The following TRPM1 variants were observed in gnomAD, a reference collection of about 807,000 sequenced individuals.
TRPM1 encodes TRPM1-203 APA Isoform, Intron 10.
Under a neutral mutation model 149.4 loss-of-function variants are expected in TRPM1, and 113 were observed. That is an observed-to-expected ratio of 0.76 (90% CI 0.65 to 0.88). The LOEUF is 0.88. TRPM1 is among the 40% of genes least tolerant of loss of function. TRPM1 has a pLI of 0.00. For missense variants in TRPM1, 1,976 were observed against 2,038.7 expected (o/e 0.97, Z 0.59); for synonymous variants, 741 against 759.5 (o/e 0.98, Z 0.40).
chr15:31,149,764 C>G (rs557790012), intron 1 of TRPM1, among the ~76,000 whole-genome samples: 1 of 152,110 alleles, frequency 6.6e-6, no homozygotes, highest in Non-Finnish European at 1.5e-5. Flanking sequence ...TGTGATCCGC[C>G]CGCCTTGGCC....
intron 1 of TRPM1, among the ~76,000 whole-genome samples, chr15:31,083,340 T>C (rs2034911961): frequency 6.6e-6 from 1 of 152,216 alleles, no homozygotes; most frequent in Non-Finnish European, 1.5e-5. Context: ...TTGTGAAAAC[T>C]ACATTTAGCT....
At chr15:31,072,657 C>T (rs1267139286) in intron 3 of TRPM1, among the ~76,000 whole-genome samples, 1 of 152,166 alleles carries the variant, frequency 6.6e-6, no homozygotes, top group Non-Finnish European at 1.5e-5. Context: ...TCTGAGGGTT[C>T]TGATTTCTCC....
chr15:31,098,464 A>G (rs1052951291), intron 1 of TRPM1, among the ~76,000 whole-genome samples: 2 of 152,178 alleles, frequency 1.3e-5, no homozygotes, highest in Non-Finnish European at 2.9e-5. Flanking sequence ...CACGTCAAAC[A>G]CTAAGCATGG....
chr15:31,117,854 GA>G (rs1335398172), intron 1 of TRPM1, among the ~76,000 whole-genome samples: 1 of 152,080 alleles, frequency 6.6e-6, no homozygotes, highest in East Asian at 1.9e-4. Flanking sequence ...ACATTACCAA[GA>G]AAATAATTAA....
intron 1 of TRPM1, among the ~76,000 whole-genome samples, chr15:31,114,480 C>G (rs1445083860): frequency 3.3e-5 from 5 of 151,960 alleles, no homozygotes; most frequent in Non-Finnish European, 7.4e-5. Flanking sequence ...TTTAGGAATC[C>G]CAATGAACTC....
chr15:31,143,893 T>G (rs2036190792), intron 1 of TRPM1, among the ~76,000 whole-genome samples: 1 of 152,246 alleles, frequency 6.6e-6, no homozygotes, highest in Non-Finnish European at 1.5e-5. Flanking sequence ...TATGGTAATA[T>G]GGTTATTTGC....
chr15:31,057,407 G>A (rs1353974141), intron 11 of TRPM1, among the ~76,000 whole-genome samples: 1 of 152,118 alleles, frequency 6.6e-6, no homozygotes, highest in Non-Finnish European at 1.5e-5. Context: ...TGGGAGGAGG[G>A]AGAGGGTCAG....
At chr15:31,133,844 G>C (rs768183351) in intron 1 of TRPM1, among the ~76,000 whole-genome samples, 7 of 152,178 alleles carry the variant, frequency 4.6e-5, no homozygotes, top group Non-Finnish European at 1.0e-4. Context: ...CATAGAGACA[G>C]AGCCTGCCCT....
chr15:31,046,062 T>G, intron 16 of TRPM1, 142 bp downstream of exon 16: 1 of 735,572 alleles, frequency 1.4e-6, no homozygotes, highest in Non-Finnish European at 2.4e-6. Context: ...AAAATGTATA[T>G]ATGGTCCTTT....
Position 31,076,995 on chromosome 15 carries a change from G to A in TRPM1, c.4-11C>T. 5 of 1,585,832 alleles carry A rather than the reference G, an allele frequency of 3.2e-6. No homozygotes were observed. Among genetic ancestry groups the A allele is most frequent in the Non-Finnish European group, 4.3e-6 (5 of 1,154,734 alleles). ...CCAAGATTTCTGACCCTGGAAGAGA[G>A]AGAGAAGTGGATATTGGACCAATAC... On this transcript the variant is annotated splice_polypyrimidine_tract_variant and intron_variant, in intron 2 of 27. Coordinates refer to ENST00000256552, the MANE Select transcript of TRPM1 (RefSeq NM_001252024.2).
At chr15:31,081,250 A>C in intron 2 of TRPM1, 103 bp downstream of exon 2, 1 of 755,620 alleles carries the variant, frequency 1.3e-6, no homozygotes, top group South Asian at 1.5e-5. Flanking sequence ...CCTCTGCTTC[A>C]CTGGAAATCC....
intron 25 of TRPM1, among the ~76,000 whole-genome samples, chr15:31,027,710 C>CA (rs2032848950): frequency 6.6e-6 from 1 of 152,190 alleles, no homozygotes; most frequent in South Asian, 2.1e-4. Context: ...AGGTTTTCTC[C>CA]AATGCCCTGT....
chr15:31,060,819 T>C (rs778385031), intron 10 of TRPM1, among the ~76,000 whole-genome samples, 175 bp from the exon 11 acceptor site: 3 of 152,198 alleles, frequency 2.0e-5, no homozygotes, highest in Non-Finnish European at 4.4e-5. Context: ...AGAGCTTCCC[T>C]GGAGGAAGGT....
intron 1 of TRPM1, among the ~76,000 whole-genome samples, chr15:31,153,447 CTT>C (rs777334992): frequency 1.4e-4 from 22 of 152,184 alleles, no homozygotes; most frequent in Admixed American, 3.3e-4. Flanking sequence ...GTCTCACCCT[CTT>C]GAGTAGTGGG....
At chr15:31,091,389 T>G (rs1374146509) in intron 1 of TRPM1, among the ~76,000 whole-genome samples, 1 of 152,264 alleles carries the variant, frequency 6.6e-6, no homozygotes, top group Non-Finnish European at 1.5e-5. Context: ...CTTCTGGGGC[T>G]GCTGGGGACC....
intron 1 of TRPM1, among the ~76,000 whole-genome samples, chr15:31,150,350 T>C (rs925819971): frequency 1.4e-4 from 21 of 151,834 alleles, no homozygotes; most frequent in African/African-American, 5.1e-4. Context: ...TGTTAGGCTA[T>C]AGAGGGACCC....
chr15:31,105,447 GT>G (rs2141019399), upstream of TRPM1, among the ~76,000 whole-genome samples: 1 of 47,422 alleles, frequency 2.1e-5, no homozygotes, highest in South Asian at 8.7e-4. Flanking sequence ...GTGTGTGTGT[GT>G]GTGTGTGTGT....
intron 1 of TRPM1, among the ~76,000 whole-genome samples, chr15:31,121,223 C>CAAAAAAAAA (rs71420549): frequency 1.7e-5 from 1 of 59,378 alleles, no homozygotes; most frequent in Non-Finnish European, 3.1e-5. Flanking sequence ...GACTCCATCT[C>CAAAAAAAAA]AAAAAAAAAA....
chr15:31,088,693 G>T (rs191484190), intron 1 of TRPM1, among the ~76,000 whole-genome samples: 1 of 152,230 alleles, frequency 6.6e-6, no homozygotes, highest in African/African-American at 2.4e-5. Context: ...AGCCTTTTTG[G>T]GATTTGGGGG....
Sources: allele counts gnomAD v4.1 joint callset (sites outside exome capture counted in the v4.1 genomes callset), GRCh38; gene constraint gnomAD v4.1.1; transcripts MANE v1.5; gene names NCBI Gene and HGNC (gene_info 2026-07-23, HGNC 2026-07-21).